FBXL17: variants seen among roughly 807,000 people sequenced by gnomAD.
FBXL17 encodes the protein F-box and leucine rich repeat protein 17, also known as F-box/LRR-repeat protein 17.
A neutral mutation model predicts 66.2 loss-of-function variants in FBXL17; 22 were observed. The observed-to-expected ratio is 0.33, with a 90% CI of 0.24 to 0.47. The LOEUF (loss-of-function observed/expected upper bound fraction) is 0.47, where lower values mean the gene tolerates loss of function less well. Ranked by LOEUF, FBXL17 falls within the 20% of genes least tolerant of loss-of-function variation. The pLI is 1.00. For missense variants in FBXL17, 878 were observed against 948.2 expected, an observed-to-expected ratio of 0.93 and a Z score of 0.97; for synonymous variants, 474 against 400.5, an observed-to-expected ratio of 1.18 and a Z score of -2.19.
At chr5:108,206,628 C>CT (rs144060806) in intron 5 of FBXL17, among the ~76,000 whole-genome samples, 8,687 of 151,996 alleles carry the variant, frequency 0.057, 834 homozygotes, top group African/African-American at 0.2. Flanking sequence ...AAACAGAACT[C>CT]TTTTTTTTAT....
At chr5:108,314,784 T>C (rs73781322) in intron 4 of FBXL17, among the ~76,000 whole-genome samples, 7,587 of 151,578 alleles carry the variant, frequency 0.05, 633 homozygotes, top group African/African-American at 0.17. Flanking sequence ...ATCCTATGTT[T>C]ATATAACATT....
At chr5:108,257,020 T>C (rs916565008) in intron 4 of FBXL17, among the ~76,000 whole-genome samples, 4 of 152,206 alleles carry the variant, frequency 2.6e-5, no homozygotes, top group Admixed American at 2.6e-4. Context: ...TTTTTAACTG[T>C]GTTTCAGTTA....
intron 4 of FBXL17, among the ~76,000 whole-genome samples, chr5:108,224,554 CACAA>C (rs1327034937): frequency 4.0e-5 from 6 of 149,362 alleles, no homozygotes; most frequent in Non-Finnish European, 8.8e-5. Flanking sequence ...CACACACACA[CACAA>C]ACACACACAT....
chr5:108,219,927 C>CT (rs1754779692), intron 5 of FBXL17, among the ~76,000 whole-genome samples: 1 of 66,096 alleles, frequency 1.5e-5, no homozygotes. Context: ...TTTACTATTT[C>CT]CTTTTTTTTT....
At chr5:108,187,881 G>T (rs1350171645) in intron 5 of FBXL17, among the ~76,000 whole-genome samples, 4 of 152,144 alleles carry the variant, frequency 2.6e-5, no homozygotes, top group Non-Finnish European at 5.9e-5. Context: ...ATTTAAGTCA[G>T]TTCAGCTTAA....
At chr5:108,236,281 G>A (rs1373999810) in intron 4 of FBXL17, among the ~76,000 whole-genome samples, 1 of 151,964 alleles carries the variant, frequency 6.6e-6, no homozygotes, top group Non-Finnish European at 1.5e-5. Flanking sequence ...GAAGGCCAAG[G>A]CAGGAGGATC....
rs182537795 is a variant in FBXL17 at position 107,905,300 on chromosome 5, C to T, written c.1823-24121G>A. 3.9e-5 allele frequency among the ~76,000 whole-genome samples: 6 copies of T among 152,108 alleles called. No individual in the cohort carries two copies. The East Asian group carries it at 1.2e-3, about 29-fold the overall frequency. On this transcript the variant is annotated intron_variant, in intron 7 of 8. Coordinates refer to ENST00000542267, the MANE Select transcript of FBXL17 (RefSeq NM_001163315.3). ...TTCATAAATATAAAACTATTCTGTG[C>T]CTTCTTAAACATTTTCTGTTTATAA...
rs927600177 is a variant in FBXL17, at chr5:108,016,492, A to T, written c.1822+4433T>A. On this transcript the variant is annotated intron_variant, in intron 7 of 8. Transcript: ENST00000542267. Reference sequence around the variant, plus strand: ...TTTCTAGGGCCCACAGGAGTGCTAAAGTGAAAAAAGAATGTGACAACTCAG... The same window carrying T: ...TTTCTAGGGCCCACAGGAGTGCTAATGTGAAAAAAGAATGTGACAACTCAG... 3.9e-5 allele frequency among the ~76,000 whole-genome samples: 6 copies of T among 152,208 alleles called. No individual in the cohort carries two copies. The East Asian group carries it at 1.2e-3, about 29-fold the overall frequency.
intron 4 of FBXL17, among the ~76,000 whole-genome samples, chr5:108,232,782 C>CATATATATATATATATAT (rs34650348): frequency 0.029 from 2,223 of 77,726 alleles, 140 homozygotes; most frequent in Non-Finnish European, 0.033. Context: ...TAAGCTCTCA[C>CATATATATATATATATAT]ATATATATAT....
At chr5:108,123,532 CA>C (rs1412242922) in intron 6 of FBXL17, among the ~76,000 whole-genome samples, 11 of 152,086 alleles carry the variant, frequency 7.2e-5, no homozygotes, top group Non-Finnish European at 1.2e-4. Context: ...CTAGTGTTTT[CA>C]TGTTACTAAA....
intron 7 of FBXL17, among the ~76,000 whole-genome samples, chr5:107,940,952 T>C (rs924509001): frequency 6.6e-6 from 1 of 152,176 alleles, no homozygotes; most frequent in Non-Finnish European, 1.5e-5. Context: ...TAGCCTAGGC[T>C]GAGAACCATA....
intron 7 of FBXL17, among the ~76,000 whole-genome samples, chr5:108,009,286 T>TAGATAGATAGATAGATAGATAGATAG (rs1172522525): frequency 0.01 from 542 of 53,752 alleles, 104 homozygotes; most frequent in Non-Finnish European, 0.013. Flanking sequence ...TATATATATA[T>TAGATAGATAGATAGATAGATAGATAG]ATATATATAT....
At chr5:107,969,166 C>A (rs1457441273) in intron 7 of FBXL17, among the ~76,000 whole-genome samples, 1 of 152,138 alleles carries the variant, frequency 6.6e-6, no homozygotes, top group Non-Finnish European at 1.5e-5. Flanking sequence ...AAACTTAAAA[C>A]ATTTACTATC....
chr5:108,325,465 G>T (rs1759806040), intron 4 of FBXL17, among the ~76,000 whole-genome samples: 1 of 151,914 alleles, frequency 6.6e-6, no homozygotes, highest in South Asian at 2.1e-4. Flanking sequence ...AGAATAAATG[G>T]AAAACTTGAA....
intron 4 of FBXL17, among the ~76,000 whole-genome samples, chr5:108,256,162 T>C (rs1406298641): frequency 6.6e-6 from 1 of 152,136 alleles, no homozygotes; most frequent in Admixed American, 6.6e-5. Flanking sequence ...CCTGACAAGA[T>C]CACAACTTCC....
intron 6 of FBXL17, among the ~76,000 whole-genome samples, chr5:108,173,345 A>G (rs1236981739): frequency 3.3e-5 from 5 of 152,196 alleles, no homozygotes; most frequent in Non-Finnish European, 7.3e-5. Flanking sequence ...ACATGTATAC[A>G]TATGTAACTA....
intron 7 of FBXL17, among the ~76,000 whole-genome samples, chr5:107,887,264 A>G (rs1331579107): frequency 6.6e-6 from 1 of 152,232 alleles, no homozygotes; most frequent in Non-Finnish European, 1.5e-5. Context: ...AAAGTGAATG[A>G]ATTAAGTAGA....
intron 4 of FBXL17, among the ~76,000 whole-genome samples, chr5:108,323,050 T>C (rs1219105081): frequency 6.6e-6 from 1 of 151,856 alleles, no homozygotes; most frequent in Non-Finnish European, 1.5e-5. Flanking sequence ...AAACAAGACA[T>C]GATGCCCATT....
intron 6 of FBXL17, among the ~76,000 whole-genome samples, chr5:108,108,177 A>G (rs1293798233): frequency 6.6e-6 from 1 of 152,216 alleles, no homozygotes; most frequent in East Asian, 1.9e-4. Context: ...CAAACTGCAA[A>G]CATATACCCC....
Sources: allele counts gnomAD v4.1 joint callset (sites outside exome capture counted in the v4.1 genomes callset), GRCh38; gene constraint gnomAD v4.1.1; transcripts MANE v1.5; gene names NCBI Gene and HGNC (gene_info 2026-07-23, HGNC 2026-07-21).